The following RCBTB2 variants were observed in gnomAD, a reference collection of about 807,000 sequenced individuals.
RCBTB2 encodes the protein RCC1 and BTB domain containing protein 2, also known as RCC1 and BTB domain-containing protein 2.
A neutral mutation model predicts 65.4 loss-of-function variants in RCBTB2; 55 were observed. That is an observed-to-expected ratio of 0.84 (90% CI 0.68 to 1.05). The LOEUF (loss-of-function observed/expected upper bound fraction) is 1.05. Ranked by LOEUF, RCBTB2 falls within the 50% of genes least tolerant of loss-of-function variation. The probability of loss-of-function intolerance (pLI) is 0.00; values close to 1 mark genes in which losing one functional copy is unlikely to be tolerated. For synonymous variants in RCBTB2, 220 were observed against 255.2 expected, an observed-to-expected ratio of 0.86 and a Z score of 1.31; for missense variants, 599 against 680.1, an observed-to-expected ratio of 0.88 and a Z score of 1.33.
chr13:48,506,480 G>C (rs1011631792), intron 10 of RCBTB2, among the ~76,000 whole-genome samples: 2 of 152,216 alleles, frequency 1.3e-5, no homozygotes, highest in Non-Finnish European at 2.9e-5. Context: ...CCCAAGCTAG[G>C]TTGCCAAGGA....
intron 10 of RCBTB2, among the ~76,000 whole-genome samples, chr13:48,510,148 G>A (rs1293302098): frequency 6.6e-6 from 1 of 152,192 alleles, no homozygotes; most frequent in Non-Finnish European, 1.5e-5. Flanking sequence ...CTTCCTCGTA[G>A]TGACAGCTTG....
intron 10 of RCBTB2, among the ~76,000 whole-genome samples, chr13:48,505,860 C>T (rs1263202345): frequency 6.6e-6 from 1 of 152,112 alleles, no homozygotes; most frequent in African/African-American, 2.4e-5. Flanking sequence ...AGCTGAGAAC[C>T]GAAAAAGGCT....
At chr13:48,531,851 C>G (rs1289694573) in intron 1 of RCBTB2, among the ~76,000 whole-genome samples, 1 of 152,152 alleles carries the variant, frequency 6.6e-6, no homozygotes, top group Non-Finnish European at 1.5e-5. Flanking sequence ...GTTAGAAACT[C>G]TTCACAGTAG....
chr13:48,510,510 C>A, intron 10 of RCBTB2, 119 bp downstream of exon 10: 1 of 1,197,274 alleles, frequency 8.4e-7, no homozygotes, highest in Non-Finnish European at 1.2e-6. Flanking sequence ...AATAAATACT[C>A]TTGTTAAATA....
chr13:48,521,936 C>T lies in RCBTB2; in HGVS notation c.4G>A (p.Glu2Lys). Residue 2 changes from glutamate (E) to lysine (K), a missense_variant, in exon 4 of 15, where the codon GAA (glutamate) becomes AAA (lysine). By Grantham distance (56) the Glu-to-Lys change is moderately conservative. Coordinates refer to ENST00000344532, the MANE Select transcript of RCBTB2 (RefSeq NM_001268.4). M[E>K]EELPLFSGDS... ...CCAGAGAAAAGAGGAAGTTCTTCTT[C>T]CATATGGACTCAGTCCTGGGCAGTC... 5 of 1,613,814 alleles carry T rather than the reference C, an allele frequency of 3.1e-6. No homozygotes were observed. Among genetic ancestry groups the T allele is most frequent in the Non-Finnish European group, 4.2e-6 (5 of 1,179,852 alleles).
chr13:48,535,339 T>G (rs959360066), upstream of RCBTB2, among the ~76,000 whole-genome samples: 5 of 145,904 alleles, frequency 3.4e-5, no homozygotes, highest in South Asian at 2.3e-4. Flanking sequence ...CACTGCAACC[T>G]CCACCTCCCG....
chr13:48,520,648 T>TA (rs1347853584), intron 4 of RCBTB2, among the ~76,000 whole-genome samples: 2 of 152,188 alleles, frequency 1.3e-5, no homozygotes, highest in Non-Finnish European at 2.9e-5. Flanking sequence ...GCCACAAAAT[T>TA]AGAGACCAAA....
chr13:48,496,161 G>A (rs2138419027), intron 14 of RCBTB2, 30 bp downstream of exon 14: 1 of 1,423,376 alleles, frequency 7.0e-7, no homozygotes. Context: ...TTCTCCAGGA[G>A]GCCGGCAGCT....
chr13:48,531,368 C>A (rs976668570), intron 1 of RCBTB2, among the ~76,000 whole-genome samples: 1 of 152,116 alleles, frequency 6.6e-6, no homozygotes. Context: ...ATTGATCATA[C>A]CCTTACAAAT....
intron 6 of RCBTB2, among the ~76,000 whole-genome samples, chr13:48,513,366 T>C (rs1291603599): frequency 6.6e-6 from 1 of 152,212 alleles, no homozygotes; most frequent in Non-Finnish European, 1.5e-5. Context: ...CACACACCCA[T>C]GTACTACTAC....
At chr13:48,522,456 G>A in intron 2 of RCBTB2, 53 bp from the exon 3 acceptor site, 1 of 827,736 alleles carries the variant, frequency 1.2e-6, no homozygotes, top group East Asian at 2.7e-5. Context: ...ATGAATGAAT[G>A]AATGTGGCTT....
chr13:48,527,352 G>A (rs9595916), intron 1 of RCBTB2, among the ~76,000 whole-genome samples: 1 of 119,360 alleles, frequency 8.4e-6, no homozygotes, highest in Non-Finnish European at 1.6e-5. Context: ...ATATATATAT[G>A]ATATATATTT....
chr13:48,499,169 C>CAT (rs1491324504), intron 13 of RCBTB2, among the ~76,000 whole-genome samples: 5 of 148,384 alleles, frequency 3.4e-5, no homozygotes, highest in African/African-American at 1.3e-4. Flanking sequence ...CTCTCTCTCT[C>CAT]ACACACACAC....
At chr13:48,534,531 T>C (rs1271919038), upstream of RCBTB2, among the ~76,000 whole-genome samples, 1 of 152,266 alleles carries the variant, frequency 6.6e-6, no homozygotes, top group African/African-American at 2.4e-5. Context: ...CTGAAGTTCA[T>C]GCAGGCCTTA....
At chr13:48,512,247 T>C in intron 7 of RCBTB2, 73 bp from the exon 8 acceptor site, 5 of 1,330,226 alleles carry the variant, frequency 3.8e-6, no homozygotes, top group Non-Finnish European at 5.3e-6. Flanking sequence ...TGACATGTAC[T>C]TGTGGCACCG....
rs1302353134 is a variant in RCBTB2, at chr13:48,511,812, G to T, written c.741C>A (p.Thr247=). The T allele has an allele frequency of 1.9e-6, 3 of 1,614,050 alleles. No homozygotes were observed. The highest frequency in any genetic ancestry group is 1.3e-5 in the African/African-American group (1 of 74,910). ...CTTGCAAAGCTGCCACTCTGCAAGGGGTTGGCTGGTTGCCACTGTTGCCGA... is the reference window on the plus strand; with the variant it reads ...CTTGCAAAGCTGCCACTCTGCAAGGTGTTGGCTGGTTGCCACTGTTGCCGA... The part of the protein sequence containing the change: ...LGLGNSGNQP[T]PCRVAALQGI... Residue 247 remains threonine, a synonymous_variant, in exon 9 of 15, where the codon ACC becomes ACA. Transcript: ENST00000344532.
chr13:48,524,317 T>G (rs1593792362), intron 2 of RCBTB2, among the ~76,000 whole-genome samples: 1 of 152,240 alleles, frequency 6.6e-6, no homozygotes, highest in Non-Finnish European at 1.5e-5. Context: ...ATCCATGATG[T>G]GATAAAATGT....
At chr13:48,506,089 T>C (rs894415496) in intron 10 of RCBTB2, among the ~76,000 whole-genome samples, 3 of 152,316 alleles carry the variant, frequency 2.0e-5, no homozygotes, top group East Asian at 3.9e-4. Context: ...GGGAACTAAC[T>C]GGGCCATGTA....
intron 10 of RCBTB2, among the ~76,000 whole-genome samples, chr13:48,503,593 G>A (rs1392897724): frequency 6.6e-6 from 1 of 152,024 alleles, no homozygotes; most frequent in Non-Finnish European, 1.5e-5. Context: ...CCAGGCTAGA[G>A]TGCAGTGGCA....
Sources: allele counts gnomAD v4.1 joint callset (sites outside exome capture counted in the v4.1 genomes callset), GRCh38; gene constraint gnomAD v4.1.1; transcripts MANE v1.5; gene names NCBI Gene and HGNC (gene_info 2026-07-23, HGNC 2026-07-21).